Variants in DPY19L3 observed in about 807,000 individuals in gnomAD.
The protein encoded by DPY19L3 is dpy-19 like C-mannosyltransferase 3.
Under a neutral mutation model 92.3 loss-of-function variants are expected in DPY19L3, and 51 were observed. The observed-to-expected ratio is 0.55, with a 90% confidence interval of 0.44 to 0.70. DPY19L3 has a LOEUF of 0.70. Among genes scored for constraint, DPY19L3 ranks in the 30% least tolerant of loss-of-function variants. The pLI is 0.00. For synonymous variants in DPY19L3, 309 were observed against 315.2 expected (o/e 0.98, Z 0.21); for missense variants, 706 against 855.9 (o/e 0.82, Z 2.18).
At chr19:32,481,009 A>G (rs1970657593) in intron 18 of DPY19L3, 1 of 379,564 alleles carries the variant, frequency 2.6e-6, no homozygotes. Context: ...TCTCCTACTG[A>G]GTGTCCTGTG....
intron 18 of DPY19L3, 94 bp downstream of exon 18, chr19:32,480,651 C>A: frequency 7.1e-7 from 1 of 1,406,508 alleles, no homozygotes; most frequent in Non-Finnish European, 9.5e-7. Flanking sequence ...TCCTTAATGT[C>A]TAGTTGAATT....
intron 15 of DPY19L3, among the ~76,000 whole-genome samples, chr19:32,466,057 A>C (rs1389025057): frequency 6.6e-6 from 1 of 152,202 alleles, no homozygotes; most frequent in Non-Finnish European, 1.5e-5. Context: ...TGTACCGAAC[A>C]ATAACCATCT....
intron 3 of DPY19L3, among the ~76,000 whole-genome samples, chr19:32,427,814 C>CT (rs1201123277): frequency 6.6e-6 from 1 of 152,110 alleles, no homozygotes; most frequent in African/African-American, 2.4e-5. Flanking sequence ...CAGTACAGAA[C>CT]TTTAAGAACA....
In DPY19L3 at chr19:32,426,168, C is replaced by T. The variant is rs1476649630; in HGVS notation, c.238-6548C>T. Among the ~76,000 whole-genome samples, 6 of 152,318 alleles carry T rather than the reference C, an allele frequency of 3.9e-5. No homozygotes were observed. In the East Asian group the frequency reaches 1.2e-3, roughly 29 times the overall value. On this transcript the variant is annotated intron_variant, in intron 3 of 18. Transcript: ENST00000392250. ...CTTCCCCTCAACCTCATGAACCAAC[C>T]TCTGCTAGCTTCCAGCTTTTCTTCT...
intron 17 of DPY19L3, among the ~76,000 whole-genome samples, chr19:32,478,882 CTG>C (rs1970590751): frequency 6.6e-6 from 1 of 152,154 alleles, no homozygotes; most frequent in African/African-American, 2.4e-5. Context: ...CGGTGTCTGT[CTG>C]TACAGCAGAT....
At chr19:32,408,168 G>C in intron 1 of DPY19L3, 49 bp from the exon 2 acceptor site, 1 of 882,662 alleles carries the variant, frequency 1.1e-6, no homozygotes, top group Non-Finnish European at 1.9e-6. Context: ...AGCACGGGGT[G>C]TGTTGGGGAG....
intron 13 of DPY19L3, 21 bp downstream of exon 13, chr19:32,463,509 T>C (rs779172414): frequency 6.2e-7 from 1 of 1,605,616 alleles, no homozygotes; most frequent in Non-Finnish European, 8.5e-7. Context: ...CTTACCTGTT[T>C]GTTTACTTTT....
chr19:32,469,411 A>G (rs992701734), intron 16 of DPY19L3, among the ~76,000 whole-genome samples: 19 of 151,864 alleles, frequency 1.3e-4, no homozygotes, highest in African/African-American at 4.6e-4. Flanking sequence ...CAGGAAAATC[A>G]CTTGAACTCG....
Position 32,423,402 on chromosome 19 carries a change from A to T in DPY19L3, c.238-9314A>T, listed in dbSNP as rs922630559. On this transcript the variant is annotated intron_variant, in intron 3 of 18. Transcript: ENST00000392250. The stretch of plus-strand genomic sequence containing the variant: ...AGGCATGCACCACCATGCCCAGCTA[A>T]TTTTTTTTTTTTTTTTTTGGTATTT... Among the ~76,000 whole-genome samples the T allele has an allele frequency of 3.4e-3, 279 of 82,226 alleles. 2 individuals are homozygous for T. The highest frequency in any genetic ancestry group is 0.013 in the African/African-American group (271 of 20,942). 53.9% of individuals were successfully genotyped at this position (82,226 alleles called of 152,430 possible).
intron 16 of DPY19L3, among the ~76,000 whole-genome samples, chr19:32,472,300 A>T (rs1009221278): frequency 2.0e-5 from 3 of 152,056 alleles, no homozygotes; most frequent in Non-Finnish European, 2.9e-5. Flanking sequence ...GACATTTGAC[A>T]TGTTGTTAAA....
At chr19:32,415,420 C>T (rs540975567) in intron 3 of DPY19L3, among the ~76,000 whole-genome samples, 2 of 152,200 alleles carry the variant, frequency 1.3e-5, no homozygotes, top group African/African-American at 4.8e-5. Context: ...GTGTGTGAAG[C>T]GTTGGCAGTA....
intron 12 of DPY19L3, among the ~76,000 whole-genome samples, chr19:32,461,349 G>C (rs1038536799): frequency 6.6e-6 from 1 of 152,262 alleles, no homozygotes; most frequent in Non-Finnish European, 1.5e-5. Context: ...TCTGAAAGGG[G>C]CATGGTGTTC....
intron 3 of DPY19L3, among the ~76,000 whole-genome samples, chr19:32,416,806 C>T (rs1334785453): frequency 1.3e-5 from 2 of 152,182 alleles, no homozygotes; most frequent in African/African-American, 2.4e-5. Context: ...ATTGAGGTTT[C>T]GTTATGTAGG....
chr19:32,456,842 A>G (rs2215123), intron 10 of DPY19L3, among the ~76,000 whole-genome samples: 6,023 of 148,088 alleles, frequency 0.041, 374 homozygotes, highest in African/African-American at 0.14. Context: ...ATACACCTAT[A>G]TGCCCACAAA....
intron 4 of DPY19L3, among the ~76,000 whole-genome samples, chr19:32,433,529 T>C (rs1969037965): frequency 6.6e-6 from 1 of 152,170 alleles, no homozygotes; most frequent in African/African-American, 2.4e-5. Flanking sequence ...GCAGTCCTCC[T>C]GCCTCAGCCT....
intron 3 of DPY19L3, among the ~76,000 whole-genome samples, chr19:32,427,487 T>G (rs1371106084): frequency 6.6e-6 from 1 of 152,218 alleles, no homozygotes; most frequent in African/African-American, 2.4e-5. Flanking sequence ...CTTATTTACT[T>G]GATATTGCCG....
intron 10 of DPY19L3, among the ~76,000 whole-genome samples, chr19:32,456,998 TA>T (rs1204432310): frequency 6.6e-6 from 1 of 152,114 alleles, no homozygotes; most frequent in African/African-American, 2.4e-5. Context: ...TAAACTCTAC[TA>T]AAAAAATTTT....
chr19:32,430,254 T>G (rs1455970994), intron 3 of DPY19L3, among the ~76,000 whole-genome samples: 2 of 152,036 alleles, frequency 1.3e-5, no homozygotes. Flanking sequence ...GTGGACATAG[T>G]GGCATGTGCC....
chr19:32,479,468 C>G (rs1057458945), intron 17 of DPY19L3: 1 of 285,382 alleles, frequency 3.5e-6, no homozygotes, highest in Non-Finnish European at 7.0e-6. Context: ...GACCCTGGAA[C>G]CCTTGGAATG....
Sources: allele counts gnomAD v4.1 joint callset (sites outside exome capture counted in the v4.1 genomes callset), GRCh38; gene constraint gnomAD v4.1.1; transcripts MANE v1.5; gene names NCBI Gene and HGNC (gene_info 2026-07-23, HGNC 2026-07-21).